VWA3B: variants seen among roughly 807,000 people sequenced by gnomAD.
VWA3B encodes von Willebrand factor A domain-containing protein 3B.
A neutral mutation model predicts 158.3 loss-of-function variants in VWA3B; 138 were observed. The observed-to-expected ratio is 0.87, with a 90% CI of 0.76 to 1.00. The LOEUF (loss-of-function observed/expected upper bound fraction) is 1.00, where lower values mean the gene tolerates loss of function less well. Among genes scored for constraint, VWA3B ranks in the 50% least tolerant of loss-of-function variants. VWA3B has a pLI of 0.00. For synonymous variants in VWA3B, 596 were observed against 587.3 expected, an observed-to-expected ratio of 1.01 and a Z score of -0.21; for missense variants, 1,555 against 1,565.1, an observed-to-expected ratio of 0.99 and a Z score of 0.11.
intron 6 of VWA3B, 80 bp downstream of exon 6, chr2:98,128,488 C>T (rs992084262): frequency 2.1e-5 from 31 of 1,487,616 alleles, no homozygotes; most frequent in African/African-American, 1.4e-5. Context: ...TTGCATTCTT[C>T]GTGGCTTTAA....
intron 8 of VWA3B, 106 bp downstream of exon 8, chr2:98,163,082 T>C (rs897797370): frequency 2.0e-6 from 3 of 1,524,764 alleles, no homozygotes; most frequent in South Asian, 1.3e-5. Flanking sequence ...AGAGCCCAGC[T>C]GCGAGGGGCT....
intron 19 of VWA3B, among the ~76,000 whole-genome samples, chr2:98,238,195 A>C (rs1458679928): frequency 6.6e-6 from 1 of 152,184 alleles, no homozygotes; most frequent in African/African-American, 2.4e-5. Context: ...TGGGATGACC[A>C]GTGACTCTCC....
intron 2 of VWA3B, among the ~76,000 whole-genome samples, chr2:98,106,668 T>C (rs1451003600): frequency 6.6e-6 from 1 of 152,226 alleles, no homozygotes; most frequent in African/African-American, 2.4e-5. Flanking sequence ...GAATTGTATT[T>C]TAAATTTTGG....
At chr2:98,117,227 T>C (rs1674602083) in intron 3 of VWA3B, among the ~76,000 whole-genome samples, 1 of 152,218 alleles carries the variant, frequency 6.6e-6, no homozygotes, top group Non-Finnish European at 1.5e-5. Context: ...TTCTCACCTG[T>C]GAAGGCTGAT....
At chr2:98,161,772 T>A (rs1678598972) in intron 7 of VWA3B, among the ~76,000 whole-genome samples, 3 of 152,104 alleles carry the variant, frequency 2.0e-5, no homozygotes, top group Non-Finnish European at 4.4e-5. Context: ...AGTGGTGTGA[T>A]CTCAGCTCAC....
At chr2:98,260,636 T>C (rs969466798) in intron 21 of VWA3B, among the ~76,000 whole-genome samples, 2 of 151,736 alleles carry the variant, frequency 1.3e-5, no homozygotes, top group Non-Finnish European at 3.0e-5. Flanking sequence ...CAATCCCCCA[T>C]GGATACCAAG....
At chr2:98,161,821 C>G (rs988815037) in intron 7 of VWA3B, among the ~76,000 whole-genome samples, 1 of 152,206 alleles carries the variant, frequency 6.6e-6, no homozygotes, top group Non-Finnish European at 1.5e-5. Context: ...ATTCTCCTGT[C>G]TCAGCCTCCT....
rs138049120 is a variant in VWA3B, at chr2:98,220,009, A to T, written c.2019+1981A>T. On this transcript the variant is annotated intron_variant, in intron 14 of 27. Transcript: ENST00000477737. ...AAGACCCCACCTCTACAAAAAATAT[A>T]AAAAGTAGCTGGGCATGGTGGTTTG... Among the ~76,000 whole-genome samples, 26 of 152,044 alleles carry T rather than the reference A, an allele frequency of 1.7e-4. 1 individual carries two copies. In the East Asian group the frequency reaches 5.0e-3, roughly 30 times the overall value.
chr2:98,312,533 C>A lies in VWA3B; in HGVS notation c.*184C>A. The A allele has an allele frequency of 1.5e-6, 1 of 685,022 alleles. No individual in the cohort carries two copies. The highest frequency in any genetic ancestry group is 2.3e-6 in the Non-Finnish European group (1 of 436,562). The allele number at this position is 685,022 out of a possible 1,614,324, so 42.4% of individuals were successfully genotyped here. A position where few individuals can be genotyped will look rare whatever the true frequency, so the allele number is the denominator to read the frequency against. On this transcript the variant is annotated 3_prime_UTR_variant, in exon 28 of 28. Transcript: ENST00000477737. ...CCTGCTGCCTCCCCTACCCGTTTGA[C>A]GACTTGGTTCTGGCTTTTTCTGACT... is the stretch of plus-strand genomic sequence containing the variant.
chr2:98,264,713 G>A (rs1422094952), intron 21 of VWA3B, among the ~76,000 whole-genome samples: 1 of 152,128 alleles, frequency 6.6e-6, no homozygotes, highest in Non-Finnish European at 1.5e-5. Flanking sequence ...TTCTCCACAT[G>A]TTGGTTAGGC....
intron 8 of VWA3B, among the ~76,000 whole-genome samples, chr2:98,170,598 G>A (rs574080446): frequency 3.4e-5 from 5 of 145,652 alleles, no homozygotes; most frequent in African/African-American, 1.2e-4. Flanking sequence ...CACAGACTCA[G>A]AGTTAGGAAG....
chr2:98,270,575 A>AG (rs1163153047), intron 21 of VWA3B, 107 bp from the exon 22 acceptor site: 3 of 1,152,082 alleles, frequency 2.6e-6, no homozygotes, highest in African/African-American at 3.1e-5. Flanking sequence ...GATGTTTCTC[A>AG]GGGGAGAATT....
At chr2:98,234,239 A>T (rs1574154262) in intron 16 of VWA3B, among the ~76,000 whole-genome samples, 1 of 152,222 alleles carries the variant, frequency 6.6e-6, no homozygotes, top group East Asian at 1.9e-4. Flanking sequence ...GGCAGAAGAG[A>T]AAGTCAGACA....
chr2:98,193,094 C>T, intron 11 of VWA3B, 58 bp downstream of exon 11: 1 of 1,551,872 alleles, frequency 6.4e-7, no homozygotes, highest in South Asian at 1.3e-5. Flanking sequence ...TGGTTATGAG[C>T]AGTGGATAGG....
At chr2:98,194,645 C>T (rs1558660113) in intron 12 of VWA3B, among the ~76,000 whole-genome samples, 153 bp downstream of exon 12, 2 of 152,108 alleles carry the variant, frequency 1.3e-5, no homozygotes, top group African/African-American at 4.8e-5. Flanking sequence ...GCAGTGGTCA[C>T]GTTAATCCAA....
chr2:98,208,183 G>A (rs1165097971), intron 12 of VWA3B, among the ~76,000 whole-genome samples: 1 of 151,482 alleles, frequency 6.6e-6, no homozygotes, highest in African/African-American at 2.4e-5. Flanking sequence ...ACTTATTTTT[G>A]CTTTTTAAAA....
chr2:98,284,762 A>G (rs1689067842), intron 22 of VWA3B, among the ~76,000 whole-genome samples: 1 of 152,246 alleles, frequency 6.6e-6, no homozygotes, highest in Non-Finnish European at 1.5e-5. Context: ...AGGCACTCCA[A>G]TTGGGATGGA....
chr2:98,257,233 C>T (rs1574215164), intron 21 of VWA3B, among the ~76,000 whole-genome samples: 1 of 152,064 alleles, frequency 6.6e-6, no homozygotes, highest in Non-Finnish European at 1.5e-5. Context: ...GCTTATCTCA[C>T]TTAATATCAT....
chr2:98,302,210 T>C (rs959313850), intron 25 of VWA3B, among the ~76,000 whole-genome samples: 46 of 151,772 alleles, frequency 3.0e-4, no homozygotes, highest in African/African-American at 8.5e-4. Flanking sequence ...CCCCATCTCC[T>C]CTCCCCCAAA....
Sources: allele counts gnomAD v4.1 joint callset (sites outside exome capture counted in the v4.1 genomes callset), GRCh38; gene constraint gnomAD v4.1.1; transcripts MANE v1.5; gene names NCBI Gene and HGNC (gene_info 2026-07-23, HGNC 2026-07-21).